CCDC149: variants seen among roughly 807,000 people sequenced by gnomAD.
The protein encoded by CCDC149 is coiled-coil domain-containing protein 149.
Under a neutral mutation model 59.9 loss-of-function variants are expected in CCDC149, and 45 were observed. That is an observed-to-expected ratio of 0.75 (90% confidence interval 0.59 to 0.96). The LOEUF is 0.96. Ranked by LOEUF, CCDC149 falls within the 40% of genes least tolerant of loss-of-function variation. The pLI is 0.00. For missense variants in CCDC149, 584 were observed against 664.7 expected (o/e 0.88, Z 1.33); for synonymous variants, 245 against 260.6 (o/e 0.94, Z 0.58).
chr4:24,897,073 C>T (rs1411988698), intron 1 of CCDC149, among the ~76,000 whole-genome samples: 1 of 152,110 alleles, frequency 6.6e-6, no homozygotes, highest in Non-Finnish European at 1.5e-5. Context: ...TAAATCCAAC[C>T]CATGGCGGCC....
At position 24,806,577 on chromosome 4, in the gene CCDC149, A is replaced by G. The variant is rs1237519051; in HGVS notation, c.*1812T>C. On this transcript the variant is annotated 3_prime_UTR_variant, in exon 13 of 13. Transcript: ENST00000635206. ...GGCATCCTATGCAGTAGTGCTGGAC[A>G]TTTGCAGGCAGTTAAGGCCCAGTAC... The G allele has an allele frequency of 6.6e-6, 1 of 152,224 alleles. No homozygotes were observed. Among genetic ancestry groups the G allele is most frequent in the Non-Finnish European group, 1.5e-5 (1 of 68,082 alleles). 9.4% of individuals were successfully genotyped at this position (152,224 alleles called of 1,614,324 possible). A position where few individuals can be genotyped will look rare whatever the true frequency, so the allele number is the denominator to read the frequency against.
chr4:24,926,284 C>A (rs541050859), intron 1 of CCDC149, among the ~76,000 whole-genome samples: 2 of 152,306 alleles, frequency 1.3e-5, no homozygotes, highest in East Asian at 3.9e-4. Flanking sequence ...TAGTCAGCAC[C>A]CTCAATGCTT....
chr4:24,870,395 T>C (rs1384740231), intron 3 of CCDC149, among the ~76,000 whole-genome samples: 1 of 152,152 alleles, frequency 6.6e-6, no homozygotes. Context: ...AGGTAATTAA[T>C]TCGTTTATTG....
At position 24,970,133 on chromosome 4, in the gene CCDC149, G is replaced by A. The variant is rs961647103; in HGVS notation, c.-65+9936C>T. On this transcript the variant is annotated intron_variant, in intron 1 of 12. Coordinates refer to the CCDC149 transcript ENST00000389609. Reference sequence around the variant, plus strand: ...AAGGTTAGCCTATATTTTGCCTGAGGGACGTGCTTTACCTCCATCAGTATC... The same window carrying A: ...AAGGTTAGCCTATATTTTGCCTGAGAGACGTGCTTTACCTCCATCAGTATC... Among the ~76,000 whole-genome samples the A allele has an allele frequency of 2.6e-5, 4 of 152,262 alleles. No homozygotes were observed. In the East Asian group the frequency reaches 5.8e-4, roughly 22 times the overall value.
At chr4:24,804,766 G>C (rs1289617228), downstream of CCDC149, among the ~76,000 whole-genome samples, 1 of 152,302 alleles carries the variant, frequency 6.6e-6, no homozygotes, top group East Asian at 1.9e-4. Context: ...ACTCCAACAT[G>C]TGAATAATTG....
intron 1 of CCDC149, among the ~76,000 whole-genome samples, chr4:24,945,423 T>C (rs563546891): frequency 4.5e-4 from 69 of 152,148 alleles, no homozygotes; most frequent in African/African-American, 1.6e-3. Context: ...GCGATGCATC[T>C]CTAAGCTAAG....
chr4:24,918,009 C>T (rs912590966), upstream of CCDC149, among the ~76,000 whole-genome samples: 1 of 151,790 alleles, frequency 6.6e-6, no homozygotes, highest in Non-Finnish European at 1.5e-5. Context: ...CTCCTGCAGG[C>T]CAGAAGAGGG....
At position 24,808,823 on chromosome 4, in the gene CCDC149, A is replaced by G. The variant is rs766998799; in HGVS notation, c.1193-4T>C. On this transcript the variant is annotated splice_polypyrimidine_tract_variant and splice_region_variant and intron_variant, in intron 12 of 12. Transcript: ENST00000635206. ...TCTTCTTGCTTCTGAGCCTCCCCTG[A>G]AAACAGAACGAGGACAACATTAAAC... The G allele has an allele frequency of 7.8e-6, 12 of 1,542,610 alleles. No homozygotes were observed. In the South Asian group the frequency reaches 1.3e-4, roughly 17 times the overall value.
At chr4:24,835,131 T>C (rs1415630646) in intron 7 of CCDC149, 99 bp from the exon 8 acceptor site, 4 of 732,640 alleles carry the variant, frequency 5.5e-6, no homozygotes, top group Non-Finnish European at 9.4e-6. Context: ...AAGAACCCCT[T>C]GCAAACTCCA....
intron 12 of CCDC149, among the ~76,000 whole-genome samples, chr4:24,817,696 AT>A (rs1715105618): frequency 6.6e-6 from 1 of 150,892 alleles, no homozygotes; most frequent in African/African-American, 2.4e-5. Flanking sequence ...CCTCATCCGT[AT>A]GCAAGAGAGA....
chr4:24,868,882 C>T lies in CCDC149; in HGVS notation c.264+4799G>A, dbSNP rs371779984. Among the ~76,000 whole-genome samples, 3 of 152,318 alleles carry T rather than the reference C, an allele frequency of 2.0e-5. No individual in the cohort carries two copies. In the East Asian group the frequency reaches 5.8e-4, roughly 29 times the overall value. The stretch of plus-strand genomic sequence containing the variant: ...GCTCCATCACCAGTTCGTTATGTTA[C>T]TTCCTTGGGTAGTTTCCTTGAGCTC... On this transcript the variant is annotated intron_variant, in intron 3 of 12. Transcript: ENST00000635206.
At chr4:24,955,748 C>G (rs191566550) in intron 1 of CCDC149, among the ~76,000 whole-genome samples, 1 of 152,114 alleles carries the variant, frequency 6.6e-6, no homozygotes, top group Admixed American at 6.5e-5. Context: ...AGTTGCTGTT[C>G]AATGGTAATA....
chr4:24,844,965 T>C (rs1049062358), intron 4 of CCDC149, among the ~76,000 whole-genome samples: 2 of 152,066 alleles, frequency 1.3e-5, no homozygotes, highest in Non-Finnish European at 2.9e-5. Flanking sequence ...TATTTGCACA[T>C]GAGAAGCTGA....
intron 1 of CCDC149, among the ~76,000 whole-genome samples, chr4:24,958,940 C>T (rs1041636207): frequency 6.6e-6 from 1 of 151,840 alleles, no homozygotes; most frequent in Non-Finnish European, 1.5e-5. Flanking sequence ...CGCTGAGGCA[C>T]GAGAATCACT....
chr4:24,867,109 A>T (rs1718750304), intron 3 of CCDC149, among the ~76,000 whole-genome samples: 1 of 152,182 alleles, frequency 6.6e-6, no homozygotes, highest in African/African-American at 2.4e-5. Flanking sequence ...TCCTCCATTA[A>T]CCTGCTATGT....
chr4:24,928,120 T>C (rs1030471496), intron 1 of CCDC149, among the ~76,000 whole-genome samples: 21 of 152,254 alleles, frequency 1.4e-4, no homozygotes, highest in African/African-American at 5.1e-4. Context: ...TTTATGTCTT[T>C]GCATATAAAC....
intron 1 of CCDC149, among the ~76,000 whole-genome samples, chr4:24,924,351 C>A (rs1348527867): frequency 1.3e-5 from 2 of 151,992 alleles, no homozygotes; most frequent in Admixed American, 1.3e-4. Flanking sequence ...TGCTGCATAA[C>A]AAACCATCCC....
intron 1 of CCDC149, among the ~76,000 whole-genome samples, chr4:24,941,621 A>G (rs1409857923): frequency 6.6e-6 from 1 of 152,182 alleles, no homozygotes; most frequent in East Asian, 1.9e-4. Flanking sequence ...GGTTTTTTGA[A>G]AAGATCAACA....
At chr4:24,959,291 TATAA>T (rs1723570785) in intron 1 of CCDC149, among the ~76,000 whole-genome samples, 1 of 152,172 alleles carries the variant, frequency 6.6e-6, no homozygotes, top group Non-Finnish European at 1.5e-5. Flanking sequence ...GTTTTTTTAA[TATAA>T]AGAATATCAG....
Sources: allele counts gnomAD v4.1 joint callset (sites outside exome capture counted in the v4.1 genomes callset), GRCh38; gene constraint gnomAD v4.1.1; transcripts MANE v1.5; gene names NCBI Gene and HGNC (gene_info 2026-07-23, HGNC 2026-07-21).